MRPS6: variants seen among roughly 807,000 people sequenced by gnomAD.
The protein encoded by MRPS6 is small ribosomal subunit protein bS6m.
Under a neutral mutation model 13.1 loss-of-function variants are expected in MRPS6, and 6 were observed. That is an observed-to-expected ratio of 0.46 (90% confidence interval 0.25 to 0.91). The LOEUF is 0.91. Among genes scored for constraint, MRPS6 ranks in the 40% least tolerant of loss-of-function variants. The pLI is 0.18. For synonymous variants in MRPS6, 61 were observed against 56.5 expected, an observed-to-expected ratio of 1.08 and a Z score of -0.36; for missense variants, 164 against 155.6, an observed-to-expected ratio of 1.05 and a Z score of -0.29.
intron 2 of MRPS6, among the ~76,000 whole-genome samples, chr21:34,132,983 G>A (rs930709197): frequency 1.3e-5 from 2 of 152,132 alleles, no homozygotes; most frequent in African/African-American, 4.8e-5. Context: ...GCAACGTGTA[G>A]GAAACCACTT....
Position 34,098,909 on chromosome 21 carries a change from T to G in MRPS6, c.45+25164T>G, listed in dbSNP as rs536678568. Reference sequence around the variant, plus strand: ...TTGACCTTCTTTAATCTCTGATACTTTTTAGATTGCATGATTTTACTAGGC... The same window carrying G: ...TTGACCTTCTTTAATCTCTGATACTGTTTAGATTGCATGATTTTACTAGGC... On this transcript the variant is annotated intron_variant, in intron 1 of 2. Coordinates refer to ENST00000399312, the MANE Select transcript of MRPS6 (RefSeq NM_032476.4). 40 of 995,504 alleles carry G rather than the reference T, an allele frequency of 4.0e-5. No homozygotes were observed. In the South Asian group the frequency reaches 1.8e-3, roughly 46 times the overall value. The allele number at this position is 995,504 out of a possible 1,614,324, so 61.7% of individuals were successfully genotyped here.
chr21:34,086,427 G>T (rs1978380698), intron 1 of MRPS6, among the ~76,000 whole-genome samples: 1 of 152,070 alleles, frequency 6.6e-6, no homozygotes, highest in African/African-American at 2.4e-5. Context: ...TTACTTCAGG[G>T]CTTACCGGTG....
chr21:34,076,637 T>A (rs1479833613), intron 1 of MRPS6, among the ~76,000 whole-genome samples: 6 of 152,222 alleles, frequency 3.9e-5, no homozygotes, highest in African/African-American at 1.4e-4. Flanking sequence ...TAAAAAAGTG[T>A]GTATATAAAA....
At chr21:34,137,697 C>T (rs1005135115) in intron 2 of MRPS6, among the ~76,000 whole-genome samples, 5 of 151,942 alleles carry the variant, frequency 3.3e-5, no homozygotes, top group African/African-American at 9.7e-5. Flanking sequence ...AGATATTCAC[C>T]AGCTGGTGAA....
intron 1 of MRPS6, chr21:34,099,982 C>A: frequency 3.8e-6 from 2 of 532,956 alleles, no homozygotes; most frequent in Non-Finnish European, 5.0e-6. Flanking sequence ...CTGGAATGAT[C>A]ATACATGGAC....
chr21:34,135,686 G>T, intron 2 of MRPS6: 1 of 383,784 alleles, frequency 2.6e-6, no homozygotes, highest in South Asian at 2.3e-5. Context: ...TCCTCCTGGG[G>T]ACCACCATTG....
intron 1 of MRPS6, chr21:34,105,301 T>G: frequency 4.6e-5 from 46 of 1,000,048 alleles, no homozygotes; most frequent in Non-Finnish European, 5.5e-5. Flanking sequence ...TACTTCTCAG[T>G]GCTTTCTTTT....
intron 2 of MRPS6, among the ~76,000 whole-genome samples, chr21:34,139,892 T>C (rs1340779462): frequency 6.6e-6 from 1 of 152,200 alleles, no homozygotes; most frequent in African/African-American, 2.4e-5. Flanking sequence ...AAAAATTTTT[T>C]ATAATATTTC....
chr21:34,101,842 GT>G, intron 1 of MRPS6: 1 of 998,560 alleles, frequency 1.0e-6, no homozygotes, highest in South Asian at 4.7e-5. Flanking sequence ...TAAAAGCACT[GT>G]TTTATTCTCA....
intron 1 of MRPS6, among the ~76,000 whole-genome samples, chr21:34,109,177 T>C (rs1381317017): frequency 6.6e-6 from 1 of 152,208 alleles, no homozygotes; most frequent in Non-Finnish European, 1.5e-5. Flanking sequence ...TATCTTCTCA[T>C]CTCTGAAGGT....
At chr21:34,131,116 C>A (rs181070936) in intron 2 of MRPS6, among the ~76,000 whole-genome samples, 1 of 152,216 alleles carries the variant, frequency 6.6e-6, no homozygotes, top group East Asian at 1.9e-4. Context: ...ATTCAATCAC[C>A]AAGAGTAGAA....
intron 1 of MRPS6, among the ~76,000 whole-genome samples, chr21:34,075,976 G>A (rs891889901): frequency 1.3e-5 from 2 of 152,234 alleles, no homozygotes; most frequent in African/African-American, 4.8e-5. Context: ...TCTGTTGCAA[G>A]AAGGGTATTG....
intron 1 of MRPS6, chr21:34,125,111 A>G: frequency 1.6e-6 from 1 of 614,290 alleles, no homozygotes; most frequent in Non-Finnish European, 2.5e-6. Context: ...GAACTCTCCG[A>G]AGCCTGGTTC....
intron 1 of MRPS6, among the ~76,000 whole-genome samples, chr21:34,088,387 AGCCTAT>A (rs66943559): frequency 0.93 from 141,415 of 152,140 alleles, 65,796 homozygotes; most frequent in Admixed American, 0.95. Flanking sequence ...CTGTATGTGA[AGCCTAT>A]GCCTGGGACT....
chr21:34,118,557 C>CTTTCTTT (rs1556008872), intron 1 of MRPS6, among the ~76,000 whole-genome samples: 39 of 133,180 alleles, frequency 2.9e-4, no homozygotes, highest in African/African-American at 1.1e-3. Context: ...TTCTTTCTTT[C>CTTTCTTT]TTTTTTTTTT....
intron 1 of MRPS6, chr21:34,102,867 G>A: frequency 1.0e-6 from 1 of 999,908 alleles, no homozygotes. Context: ...TCAATAAGAG[G>A]AATACATATT....
chr21:34,134,364 T>A (rs1013578858), intron 2 of MRPS6, among the ~76,000 whole-genome samples: 4 of 152,180 alleles, frequency 2.6e-5, no homozygotes, highest in African/African-American at 9.7e-5. Context: ...TTGTACCGTT[T>A]TTATTTCGTT....
chr21:34,111,251 AT>A (rs1363103078), intron 1 of MRPS6, among the ~76,000 whole-genome samples: 8 of 152,224 alleles, frequency 5.3e-5, no homozygotes, highest in African/African-American at 1.9e-4. Flanking sequence ...TCCATGATTA[AT>A]GAGAATCACT....
At position 34,096,707 on chromosome 21, in the gene MRPS6, G is replaced by A. The variant is rs762214834; in HGVS notation, c.45+22962G>A. On this transcript the variant is annotated intron_variant, in intron 1 of 2. Coordinates refer to ENST00000399312, the MANE Select transcript of MRPS6 (RefSeq NM_032476.4). This position sits in a 1 kb window ranked among gnomAD's most constrained non-coding sequence, Gnocchi z 5.9. ...AATGTGACCAACCTGATAATAGGCC[G>A]GGCTTCATCAAAGACATCCATTATA... is the stretch of plus-strand genomic sequence containing the variant. 10 of 1,614,014 alleles carry A rather than the reference G, an allele frequency of 6.2e-6. No homozygotes were observed. The highest frequency in any genetic ancestry group is 3.3e-5 in the South Asian group (3 of 91,076).
Sources: allele counts gnomAD v4.1 joint callset (sites outside exome capture counted in the v4.1 genomes callset), GRCh38; gene constraint gnomAD v4.1.1; non-coding constraint Gnocchi (gnomAD v3.1); transcripts MANE v1.5; gene names NCBI Gene and HGNC (gene_info 2026-07-23, HGNC 2026-07-21).